The following NLGN1 variants were observed in gnomAD, a reference collection of about 807,000 sequenced individuals.
The protein encoded by NLGN1 is neuroligin-1.
A neutral mutation model predicts 65.5 loss-of-function variants in NLGN1; 12 were observed. That is an observed-to-expected ratio of 0.18 (90% CI 0.12 to 0.30). The LOEUF is 0.30. Among genes scored for constraint, NLGN1 ranks in the 10% least tolerant of loss-of-function variants. The probability of loss-of-function intolerance (pLI) is 1.00; values close to 1 mark genes in which losing one functional copy is unlikely to be tolerated. For missense variants in NLGN1, 750 were observed against 1,007.1 expected (o/e 0.74, Z 3.46); for synonymous variants, 350 against 359.5 (o/e 0.97, Z 0.30).
At chr3:173,804,222 A>G (rs1360349978) in intron 3 of NLGN1, among the ~76,000 whole-genome samples, 1 of 152,160 alleles carries the variant, frequency 6.6e-6, no homozygotes, top group East Asian at 1.9e-4. Context: ...GCTTAAAACC[A>G]TTGCAAATAA....
intron 2 of NLGN1, among the ~76,000 whole-genome samples, chr3:173,528,672 G>C (rs1217352744): frequency 6.6e-6 from 1 of 151,956 alleles, no homozygotes; most frequent in Non-Finnish European, 1.5e-5. Context: ...GTCTAACTGG[G>C]TTAATTTGAA....
At chr3:174,063,694 CAG>C (rs1337459891) in intron 4 of NLGN1, among the ~76,000 whole-genome samples, 1 of 151,804 alleles carries the variant, frequency 6.6e-6, no homozygotes, top group African/African-American at 2.4e-5. Flanking sequence ...GAGAGGGAAA[CAG>C]AGAGACAGAG....
In NLGN1 at chr3:174,259,416, T is replaced by A. The variant is rs74282666; in HGVS notation, c.647-15899T>A. Among the ~76,000 whole-genome samples, 73 of 152,092 alleles carry A rather than the reference T, an allele frequency of 4.8e-4. No homozygotes were observed. In the East Asian group the frequency reaches 9.9e-3, roughly 21 times the overall value. Reference sequence around the variant, plus strand: ...CCCTCATTCTCCCTCACCCTCACACTTTTTTTGGAGGAGATGGCTTTTTTT... The same window carrying A: ...CCCTCATTCTCCCTCACCCTCACACATTTTTTGGAGGAGATGGCTTTTTTT... On this transcript the variant is annotated intron_variant, in intron 4 of 6. Transcript: ENST00000457714.
intron 4 of NLGN1, among the ~76,000 whole-genome samples, chr3:174,162,359 C>T (rs912335721): frequency 1.1e-4 from 17 of 151,808 alleles, no homozygotes; most frequent in African/African-American, 3.9e-4. Context: ...TAGGAGCAAT[C>T]AGTGTAATCC....
At chr3:173,566,459 T>G (rs1444421374) in intron 2 of NLGN1, among the ~76,000 whole-genome samples, 3 of 152,202 alleles carry the variant, frequency 2.0e-5, no homozygotes, top group African/African-American at 7.2e-5. Context: ...TTGCAAAATT[T>G]GATTATTTAG....
At chr3:173,672,735 C>T (rs1044897939) in intron 3 of NLGN1, among the ~76,000 whole-genome samples, 1 of 152,192 alleles carries the variant, frequency 6.6e-6, no homozygotes, top group Non-Finnish European at 1.5e-5. Flanking sequence ...GCCTTAATAT[C>T]ATTATGTATA....
chr3:173,881,291 G>A (rs945281130), intron 4 of NLGN1, among the ~76,000 whole-genome samples: 4 of 151,196 alleles, frequency 2.6e-5, no homozygotes, highest in Non-Finnish European at 5.9e-5. Context: ...TAGAGACGAG[G>A]GTTCACCATG....
At chr3:174,170,335 T>C (rs1200580445) in intron 4 of NLGN1, among the ~76,000 whole-genome samples, 2 of 152,198 alleles carry the variant, frequency 1.3e-5, no homozygotes, top group East Asian at 3.9e-4. Flanking sequence ...TAGGAAGTTT[T>C]AGTTTTTTCA....
chr3:173,955,393 G>C (rs1711752468), intron 4 of NLGN1, among the ~76,000 whole-genome samples: 1 of 151,788 alleles, frequency 6.6e-6, no homozygotes, highest in Non-Finnish European at 1.5e-5. Flanking sequence ...ATGTAATGTT[G>C]TTAAAATGAG....
At chr3:173,454,086 G>T (rs569267054) in intron 2 of NLGN1, among the ~76,000 whole-genome samples, 2 of 152,280 alleles carry the variant, frequency 1.3e-5, no homozygotes, top group Admixed American at 1.3e-4. Flanking sequence ...CTCCATCAGA[G>T]CTCTTGAGTG....
At chr3:173,997,950 T>A (rs1722592165) in intron 4 of NLGN1, among the ~76,000 whole-genome samples, 1 of 152,066 alleles carries the variant, frequency 6.6e-6, no homozygotes, top group Non-Finnish European at 1.5e-5. Context: ...CAACAAGCAT[T>A]TGAGCAAGAT....
chr3:173,629,324 C>T (rs574141449), intron 3 of NLGN1, among the ~76,000 whole-genome samples: 41 of 152,088 alleles, frequency 2.7e-4, no homozygotes, highest in African/African-American at 9.4e-4. Context: ...CTATGTTGCC[C>T]AGGCTGGTAT....
chr3:174,275,361 C>T lies in NLGN1; in HGVS notation c.693C>T (p.Leu231=), dbSNP rs192961515. The T allele has an allele frequency of 2.1e-5, 34 of 1,612,612 alleles. No homozygotes were observed. In the East Asian group the frequency reaches 5.4e-4, roughly 25 times the overall value. The change falls in exon 5 of 7, where the codon CTC becomes CTT. Residue 231 remains leucine (L), a synonymous_variant. Transcript: ENST00000457714. ...AGGCTGCAAAGGGGAACTATGGACTCCTTGATCTCATACAAGCTTTAAGAT... is the reference window on the plus strand; with the variant it reads ...AGGCTGCAAAGGGGAACTATGGACTTCTTGATCTCATACAAGCTTTAAGAT...
At chr3:174,246,684 G>A (rs1048236804) in intron 4 of NLGN1, among the ~76,000 whole-genome samples, 13 of 152,062 alleles carry the variant, frequency 8.5e-5, no homozygotes, top group African/African-American at 2.4e-4. Flanking sequence ...CTCCCAAAGC[G>A]TTGTGATTAC....
chr3:173,778,078 C>T (rs1780581300), intron 3 of NLGN1, among the ~76,000 whole-genome samples: 1 of 151,756 alleles, frequency 6.6e-6, no homozygotes, highest in Non-Finnish European at 1.5e-5. Flanking sequence ...TCCTTGGTAC[C>T]TGCAAGGTCA....
rs144933009 is a variant in NLGN1, at chr3:174,100,349, A to G, written c.647-174966A>G. On this transcript the variant is annotated intron_variant, in intron 4 of 6. Coordinates refer to ENST00000457714, the Ensembl canonical transcript of NLGN1. ...CCGTAAAGTATAATTATTTTCACTT[A>G]TTTTTATCAATTTAATTAAACATAT... Among the ~76,000 whole-genome samples the G allele has an allele frequency of 5.9e-5, 9 of 152,080 alleles. No homozygotes were observed. In the East Asian group the frequency reaches 1.5e-3, roughly 26 times the overall value.
intron 2 of NLGN1, among the ~76,000 whole-genome samples, chr3:173,518,637 T>G (rs1015823847): frequency 6.6e-6 from 1 of 151,934 alleles, no homozygotes; most frequent in Non-Finnish European, 1.5e-5. Context: ...TTCATGGAGT[T>G]TTTCCTCCTG....
At chr3:173,667,821 C>A (rs914237595) in intron 3 of NLGN1, among the ~76,000 whole-genome samples, 6 of 151,976 alleles carry the variant, frequency 3.9e-5, no homozygotes, top group Non-Finnish European at 8.8e-5. Flanking sequence ...TTAGTAGAGT[C>A]GGGGTTTCAC....
chr3:173,484,997 G>C (rs1438764882), intron 2 of NLGN1, among the ~76,000 whole-genome samples: 1 of 151,436 alleles, frequency 6.6e-6, no homozygotes, highest in Admixed American at 6.6e-5. Flanking sequence ...ACTCAAGACT[G>C]AGCAATTTTT....
Sources: gnomAD v4.1 joint callset for allele counts (sites outside exome capture counted in the v4.1 genomes callset) on GRCh38, gnomAD v4.1.1 for gene constraint, MANE v1.5 for transcripts, NCBI Gene and HGNC (gene_info 2026-07-23, HGNC 2026-07-21) for gene names.